Variants in EXOC6B observed in about 807,000 individuals in gnomAD.
The protein encoded by EXOC6B is SEC15 homolog B.
A neutral mutation model predicts 113.5 loss-of-function variants in EXOC6B; 54 were observed. The observed-to-expected ratio is 0.48, with a 90% CI of 0.38 to 0.60. The LOEUF is 0.60. Among genes scored for constraint, EXOC6B ranks in the 20% least tolerant of loss-of-function variants. EXOC6B has a pLI of 0.00. For missense variants in EXOC6B, 797 were observed against 977.5 expected (o/e 0.82, Z 2.46); for synonymous variants, 357 against 339.0 (o/e 1.05, Z -0.58).
chr2:72,752,537 TTCTC>T (rs892799614), intron 1 of EXOC6B, among the ~76,000 whole-genome samples: 4 of 141,942 alleles, frequency 2.8e-5, no homozygotes, highest in African/African-American at 1.0e-4. Flanking sequence ...TCCCTTCCCT[TTCTC>T]TCTCTCACTC....
At chr2:72,300,825 C>T (rs1247435143) in intron 20 of EXOC6B, among the ~76,000 whole-genome samples, 1 of 152,134 alleles carries the variant, frequency 6.6e-6, no homozygotes, top group Non-Finnish European at 1.5e-5. Context: ...GGCGATGCCC[C>T]ACCCTGCTTC....
intron 6 of EXOC6B, among the ~76,000 whole-genome samples, chr2:72,663,687 G>A (rs926793418): frequency 6.6e-6 from 1 of 152,102 alleles, no homozygotes; most frequent in Admixed American, 6.5e-5. Context: ...GTGGTTGTCA[G>A]GGACTGGGAA....
intron 18 of EXOC6B, among the ~76,000 whole-genome samples, chr2:72,435,457 C>A (rs938459234): frequency 3.3e-5 from 5 of 152,110 alleles, no homozygotes; most frequent in Non-Finnish European, 4.4e-5. Flanking sequence ...TCCTGGATAT[C>A]CTTGTTAATT....
chr2:72,598,625 G>C (rs1670217262), intron 6 of EXOC6B, among the ~76,000 whole-genome samples: 1 of 151,920 alleles, frequency 6.6e-6, no homozygotes, highest in Non-Finnish European at 1.5e-5. Flanking sequence ...TGAAAAGACT[G>C]GTAAAGTTGA....
intron 1 of EXOC6B, among the ~76,000 whole-genome samples, chr2:72,781,722 A>G (rs7600718): frequency 0.55 from 83,884 of 151,762 alleles, 28,342 homozygotes; most frequent in East Asian, 0.92. Flanking sequence ...TAAAACTTCT[A>G]CTTGGAAGTG....
intron 1 of EXOC6B, among the ~76,000 whole-genome samples, chr2:72,779,372 C>T (rs921277610): frequency 6.6e-5 from 10 of 151,654 alleles, no homozygotes; most frequent in African/African-American, 2.2e-4. Context: ...CATTATGTAA[C>T]ATCATAAATA....
chr2:72,311,244 C>T (rs1027738751), intron 20 of EXOC6B, among the ~76,000 whole-genome samples: 4 of 152,152 alleles, frequency 2.6e-5, no homozygotes, highest in Admixed American at 2.0e-4. Flanking sequence ...AAGGTGTTGG[C>T]AAGGTTACAT....
intron 20 of EXOC6B, among the ~76,000 whole-genome samples, chr2:72,248,492 G>C (rs1377592986): frequency 6.6e-6 from 1 of 152,094 alleles, no homozygotes; most frequent in East Asian, 1.9e-4. Flanking sequence ...CACTTAAAGA[G>C]TGGTATCTGA....
chr2:72,523,123 A>G (rs559233100), intron 8 of EXOC6B, among the ~76,000 whole-genome samples: 1 of 152,350 alleles, frequency 6.6e-6, no homozygotes, highest in East Asian at 1.9e-4. Flanking sequence ...TTTGCATATA[A>G]AAGTAGTAAA....
intron 6 of EXOC6B, among the ~76,000 whole-genome samples, chr2:72,644,864 G>T (rs1398843096): frequency 6.6e-6 from 1 of 152,146 alleles, no homozygotes; most frequent in Non-Finnish European, 1.5e-5. Flanking sequence ...TCGATGCTAG[G>T]AAGAAACTCC....
chr2:72,742,073 A>C (rs1479255454), intron 1 of EXOC6B, among the ~76,000 whole-genome samples: 1 of 152,194 alleles, frequency 6.6e-6, no homozygotes, highest in Non-Finnish European at 1.5e-5. Flanking sequence ...AGAAAAAAAC[A>C]GGCACAAAGA....
Position 72,179,138 on chromosome 2 carries a change from C to G in EXOC6B, c.*197G>C, listed in dbSNP as rs771654108. On this transcript the variant is annotated 3_prime_UTR_variant, in exon 22 of 22. Transcript: ENST00000272427. The stretch of plus-strand genomic sequence containing the variant: ...TAACTTCCCCTGAGTCCCAGCCTAG[C>G]AACATCTCATGTACTTGCTTATTCT... The G allele has an allele frequency of 6.7e-5, 39 of 579,844 alleles. No individual in the cohort carries two copies. The highest frequency in any genetic ancestry group is 1.0e-4 in the Non-Finnish European group (35 of 347,514). 35.9% of individuals were successfully genotyped at this position (579,844 alleles called of 1,614,324 possible).
At chr2:72,540,238 C>T (rs902443387) in intron 8 of EXOC6B, among the ~76,000 whole-genome samples, 22 of 151,870 alleles carry the variant, frequency 1.4e-4, no homozygotes, top group Non-Finnish European at 2.2e-4. Context: ...CTATTGTGAA[C>T]AGTGCCGCAA....
At chr2:72,697,498 C>T (rs1677980084) in intron 6 of EXOC6B, among the ~76,000 whole-genome samples, 1 of 151,768 alleles carries the variant, frequency 6.6e-6, no homozygotes. Context: ...CCAGCCTGGG[C>T]AACAAAAAAG....
At chr2:72,670,532 T>C (rs972887876) in intron 6 of EXOC6B, among the ~76,000 whole-genome samples, 5 of 152,200 alleles carry the variant, frequency 3.3e-5, no homozygotes, top group African/African-American at 4.8e-5. Flanking sequence ...TAAGCCTTCC[T>C]AAAAGATAAG....
At chr2:72,533,047 G>C (rs1351856961) in intron 8 of EXOC6B, among the ~76,000 whole-genome samples, 12 of 152,106 alleles carry the variant, frequency 7.9e-5, no homozygotes, top group African/African-American at 2.7e-4. Context: ...AATATCTGAA[G>C]GTCTCCCTTA....
At chr2:72,273,101 CT>C (rs1479679506) in intron 20 of EXOC6B, among the ~76,000 whole-genome samples, 1 of 152,130 alleles carries the variant, frequency 6.6e-6, no homozygotes, top group Non-Finnish European at 1.5e-5. Context: ...AACTAGAGGA[CT>C]TTCTCAAATC....
At chr2:72,401,793 G>C (rs1693352150) in intron 18 of EXOC6B, among the ~76,000 whole-genome samples, 1 of 143,904 alleles carries the variant, frequency 6.9e-6, no homozygotes, top group Admixed American at 7.2e-5. Flanking sequence ...AAAATAAAAA[G>C]AATCAGATAC....
intron 18 of EXOC6B, among the ~76,000 whole-genome samples, chr2:72,446,705 T>C (rs1441970947): frequency 2.0e-5 from 3 of 152,140 alleles, no homozygotes; most frequent in South Asian, 2.1e-4. Context: ...AAATAATCTG[T>C]ACAACAAACC....
Sources: gnomAD v4.1 joint callset for allele counts (sites outside exome capture counted in the v4.1 genomes callset) on GRCh38, gnomAD v4.1.1 for gene constraint, MANE v1.5 for transcripts, NCBI Gene and HGNC (gene_info 2026-07-23, HGNC 2026-07-21) for gene names.